PPP1R16B: variants seen among roughly 807,000 people sequenced by gnomAD.
The protein encoded by PPP1R16B is protein phosphatase 1 regulatory inhibitor subunit 16B.
Under a neutral mutation model 61.7 loss-of-function variants are expected in PPP1R16B, and 14 were observed. That is an observed-to-expected ratio of 0.23 (90% CI 0.15 to 0.35). The LOEUF is 0.35. PPP1R16B is among the 10% of genes least tolerant of loss of function. The pLI is 1.00. For missense variants in PPP1R16B, 547 were observed against 752.5 expected (o/e 0.73, Z 3.19); for synonymous variants, 266 against 305.3 (o/e 0.87, Z 1.34).
chr20:38,828,566 T>C (rs1303739698), intron 1 of PPP1R16B, among the ~76,000 whole-genome samples: 1 of 152,218 alleles, frequency 6.6e-6, no homozygotes, highest in Non-Finnish European at 1.5e-5. Context: ...TTCCCTCTGG[T>C]GACCGCCAAG....
intron 1 of PPP1R16B, among the ~76,000 whole-genome samples, chr20:38,835,448 A>G (rs760442732): frequency 2.0e-5 from 3 of 152,264 alleles, no homozygotes; most frequent in Non-Finnish European, 4.4e-5. Flanking sequence ...AGCTGTGGCT[A>G]GAGAGGCAGA....
intron 1 of PPP1R16B, among the ~76,000 whole-genome samples, chr20:38,823,919 C>T (rs1197289319): frequency 6.6e-6 from 1 of 151,690 alleles, no homozygotes; most frequent in African/African-American, 2.4e-5. Flanking sequence ...TCCTGTCTGA[C>T]ATTTTTTTTT....
chr20:38,870,828 C>T (rs2085123907), intron 2 of PPP1R16B, among the ~76,000 whole-genome samples: 2 of 152,144 alleles, frequency 1.3e-5, no homozygotes. Context: ...ATTCTAGTGT[C>T]TTGCAGCCTC....
At chr20:38,866,540 G>A (rs991252173) in intron 2 of PPP1R16B, among the ~76,000 whole-genome samples, 25 of 152,162 alleles carry the variant, frequency 1.6e-4, no homozygotes, top group African/African-American at 6.0e-4. Context: ...CCCAAAGAAG[G>A]CCTGCTTGCT....
intron 2 of PPP1R16B, among the ~76,000 whole-genome samples, chr20:38,841,353 G>GAAAAAAA (rs34203271): frequency 7.0e-5 from 3 of 42,598 alleles, no homozygotes; most frequent in African/African-American, 1.6e-4. Flanking sequence ...TGTCTGTACT[G>GAAAAAAA]AAAAAAAAAA....
At chr20:38,820,622 A>T (rs1442927720) in intron 1 of PPP1R16B, among the ~76,000 whole-genome samples, 1 of 152,080 alleles carries the variant, frequency 6.6e-6, no homozygotes, top group Non-Finnish European at 1.5e-5. Context: ...ATTATAGGAC[A>T]TGCCCGTGTT....
At chr20:38,838,702 C>A (rs2084889131) in intron 2 of PPP1R16B, among the ~76,000 whole-genome samples, 1 of 152,216 alleles carries the variant, frequency 6.6e-6, no homozygotes, top group African/African-American at 2.4e-5. Context: ...TTATTGACTG[C>A]CTTCTTCCCT....
Position 38,906,196 on chromosome 20 carries a change from T to G in PPP1R16B, c.822+102T>G, listed in dbSNP as rs547294543. 1.3e-5 allele frequency: 17 copies of G among 1,313,726 alleles called. No homozygotes were observed. The South Asian group carries it at 2.3e-4, about 17-fold the overall frequency. The allele number at this position is 1,313,726 out of a possible 1,614,324, so 81.4% of individuals were successfully genotyped here. On this transcript the variant is annotated intron_variant, in intron 7 of 10. Coordinates refer to ENST00000299824, the MANE Select transcript of PPP1R16B (RefSeq NM_015568.4). ...GTTGTTTTCAAAGAACATAAGACTT[T>G]AAGGCTTAAGGTGTTGAATATAGCT...
At chr20:38,841,659 T>C (rs2084909988) in intron 2 of PPP1R16B, among the ~76,000 whole-genome samples, 1 of 152,244 alleles carries the variant, frequency 6.6e-6, no homozygotes, top group South Asian at 2.1e-4. Context: ...TCTGGACATA[T>C]TATTTACATG....
At chr20:38,839,984 C>A (rs1326535074) in intron 2 of PPP1R16B, among the ~76,000 whole-genome samples, 1 of 152,224 alleles carries the variant, frequency 6.6e-6, no homozygotes, top group Non-Finnish European at 1.5e-5. Context: ...ATGGGCTGGT[C>A]CCCCTGTCTC....
chr20:38,827,728 G>C (rs1308153988), intron 1 of PPP1R16B, among the ~76,000 whole-genome samples: 1 of 152,158 alleles, frequency 6.6e-6, no homozygotes, highest in Non-Finnish European at 1.5e-5. Flanking sequence ...TTCTAATTCA[G>C]GTATTTGGAG....
chr20:38,885,363 G>A (rs144304872), intron 2 of PPP1R16B, among the ~76,000 whole-genome samples: 3 of 152,282 alleles, frequency 2.0e-5, no homozygotes, highest in African/African-American at 7.2e-5. Flanking sequence ...GTGCATCCTT[G>A]AACTCTTCTA....
chr20:38,862,950 G>A (rs546802272), intron 2 of PPP1R16B, among the ~76,000 whole-genome samples: 8 of 152,298 alleles, frequency 5.3e-5, no homozygotes, highest in African/African-American at 1.7e-4. Context: ...AATGGTGGAC[G>A]AGAACATCCT....
chr20:38,885,202 T>A (rs2085235808), intron 2 of PPP1R16B, among the ~76,000 whole-genome samples: 1 of 151,222 alleles, frequency 6.6e-6, no homozygotes, highest in Admixed American at 6.6e-5. Context: ...ATTAAAAAAA[T>A]AATAATAATA....
chr20:38,856,344 G>A (rs2085008883), intron 2 of PPP1R16B, among the ~76,000 whole-genome samples: 1 of 152,160 alleles, frequency 6.6e-6, no homozygotes, highest in Non-Finnish European at 1.5e-5. Flanking sequence ...TGTTCCAGTT[G>A]CCTTCATTTT....
chr20:38,822,054 T>C (rs1601235746), intron 1 of PPP1R16B, among the ~76,000 whole-genome samples: 1 of 148,084 alleles, frequency 6.8e-6, no homozygotes, highest in Non-Finnish European at 1.5e-5. Flanking sequence ...AAATATAATA[T>C]ATATATTTTT....
At chr20:38,852,046 G>A (rs772999554) in intron 2 of PPP1R16B, among the ~76,000 whole-genome samples, 27 of 148,964 alleles carry the variant, frequency 1.8e-4, no homozygotes, top group African/African-American at 5.0e-4. Context: ...CGGGGACGGC[G>A]GGGGGGGAAG....
intron 1 of PPP1R16B, among the ~76,000 whole-genome samples, chr20:38,815,996 A>G (rs1433416340): frequency 6.6e-6 from 1 of 152,234 alleles, no homozygotes; most frequent in Non-Finnish European, 1.5e-5. Flanking sequence ...TAATATCACA[A>G]ATGAATTCAT....
rs548851819 is a variant in PPP1R16B, at chr20:38,819,377, G to C, written c.-102+13585G>C. Among the ~76,000 whole-genome samples the C allele has an allele frequency of 2.8e-4, 43 of 152,284 alleles. No individual in the cohort carries two copies. The South Asian group carries it at 8.9e-3, about 32-fold the overall frequency. ...TAAAATATATTACTAGCTGGGCATG[G>C]TGGTAGCTATAATCCTGGCTGCTTA... On this transcript the variant is annotated intron_variant, in intron 1 of 10. Transcript: ENST00000299824.
Sources: gnomAD v4.1 joint callset for allele counts (sites outside exome capture counted in the v4.1 genomes callset) on GRCh38, gnomAD v4.1.1 for gene constraint, MANE v1.5 for transcripts, NCBI Gene and HGNC (gene_info 2026-07-23, HGNC 2026-07-21) for gene names.